The following EPHB2 variants were observed in gnomAD, a reference collection of about 807,000 sequenced individuals.
The protein encoded by EPHB2 is ephrin type-B receptor 2.
Under a neutral mutation model 96.4 loss-of-function variants are expected in EPHB2, and 18 were observed. The ratio of observed to expected loss-of-function variants is 0.19; its 90% CI spans 0.13 to 0.28. The LOEUF (loss-of-function observed/expected upper bound fraction) is 0.28, where lower values mean the gene tolerates loss of function less well. Among genes scored for constraint, EPHB2 ranks in the 10% least tolerant of loss-of-function variants. EPHB2 has a pLI of 1.00. For missense variants in EPHB2, 989 were observed against 1,355.4 expected (o/e 0.73, Z 4.25); for synonymous variants, 506 against 534.1 (o/e 0.95, Z 0.72).
intron 5 of EPHB2, among the ~76,000 whole-genome samples, chr1:22,867,994 G>A (rs112382169): frequency 0.014 from 2,097 of 152,332 alleles, 49 homozygotes; most frequent in African/African-American, 0.048. Context: ...GCCCCCAAAG[G>A]GGGTGGTGGA....
chr1:22,789,590 C>A (rs888952210), intron 3 of EPHB2, among the ~76,000 whole-genome samples: 1 of 152,184 alleles, frequency 6.6e-6, no homozygotes, highest in African/African-American at 2.4e-5. Flanking sequence ...GGTCATTTAG[C>A]CCTCTAACAA....
intron 1 of EPHB2, among the ~76,000 whole-genome samples, chr1:22,762,158 C>T (rs939347455): frequency 1.3e-5 from 2 of 152,178 alleles, no homozygotes; most frequent in African/African-American, 4.8e-5. Context: ...CTCCTGGTGG[C>T]GTATGGGAAG....
chr1:22,904,333 A>G (rs1639841005), intron 9 of EPHB2, among the ~76,000 whole-genome samples: 1 of 151,756 alleles, frequency 6.6e-6, no homozygotes, highest in Non-Finnish European at 1.5e-5. Flanking sequence ...CCAGAGGTCT[A>G]TACTCAAGGT....
Position 22,908,102 on chromosome 1 carries a change from G to A in EPHB2, c.2286G>A (p.Val762=). The A allele has an allele frequency of 1.2e-6, 2 of 1,614,250 alleles. No individual in the cohort carries two copies. Among genetic ancestry groups the A allele is most frequent in the Non-Finnish European group, 1.7e-6 (2 of 1,180,046 alleles). ...TCAACAGCAACCTGGTCTGCAAGGT[G>A]TCGGACTTTGGGCTCTCACGCTTTC... ...ILVNSNLVCK[V]SDFGLSRFLE... The change falls in exon 12 of 16, where the codon GTG becomes GTA. Residue 762 remains valine (V), a synonymous_variant. Transcript: ENST00000374630.
At position 22,906,147 on chromosome 1, in the gene EPHB2, G is replaced by A; in HGVS notation, c.1888+38G>A. On this transcript the variant is annotated intron_variant, in intron 10 of 15. Transcript: ENST00000374630. The surrounding 1 kb of genome is among the most constrained non-coding windows in gnomAD (Gnocchi z 4.8). ...TACTCTCACATGTACTATGACCTTA[G>A]CCATGGCTGGTGAGACCACCCCAAT... is the stretch of plus-strand genomic sequence containing the variant. The A allele has an allele frequency of 1.2e-6, 2 of 1,614,042 alleles. No individual in the cohort carries two copies. Among genetic ancestry groups the A allele is most frequent in the Non-Finnish European group, 1.7e-6 (2 of 1,180,014 alleles).
At chr1:22,896,351 C>T in intron 8 of EPHB2, 63 bp from the exon 9 acceptor site, 2 of 1,610,100 alleles carry the variant, frequency 1.2e-6, no homozygotes, top group Non-Finnish European at 1.7e-6. Flanking sequence ...CTATCACCTA[C>T]TGTGGCTCCC....
intron 3 of EPHB2, among the ~76,000 whole-genome samples, chr1:22,815,261 G>A (rs965078908): frequency 6.6e-6 from 1 of 152,170 alleles, no homozygotes; most frequent in Non-Finnish European, 1.5e-5. Flanking sequence ...GATGGAAGGT[G>A]GGGGGTGGTT....
intron 6 of EPHB2, among the ~76,000 whole-genome samples, chr1:22,887,601 C>G (rs1205041018): frequency 6.6e-6 from 1 of 152,242 alleles, no homozygotes; most frequent in Non-Finnish European, 1.5e-5. Flanking sequence ...CTGGAGGCCA[C>G]TGATGAATGG....
At chr1:22,749,308 C>G (rs1644026490) in intron 1 of EPHB2, among the ~76,000 whole-genome samples, 1 of 152,168 alleles carries the variant, frequency 6.6e-6, no homozygotes, top group Non-Finnish European at 1.5e-5. Context: ...GTGTGAGCCA[C>G]CACACCCAGC....
rs137941457 is a variant in EPHB2 at position 22,770,746 on chromosome 1, G to A, written c.62-10675G>A. Among the ~76,000 whole-genome samples the A allele has an allele frequency of 5.8e-4, 89 of 152,282 alleles. 2 individuals carry two copies. The East Asian group carries it at 0.016, about 28-fold the overall frequency. Reference sequence around the variant, plus strand: ...TCTCTGAAGGTTATTTCCCCCATCTGCAGGAAGGAAGGGATGAAGGGAGGT... The same window carrying A: ...TCTCTGAAGGTTATTTCCCCCATCTACAGGAAGGAAGGGATGAAGGGAGGT... On this transcript the variant is annotated intron_variant, in intron 1 of 15. Coordinates refer to ENST00000374630, the MANE Select transcript of EPHB2 (RefSeq NM_017449.5).
At chr1:22,803,054 G>T (rs903851194) in intron 3 of EPHB2, among the ~76,000 whole-genome samples, 16 of 152,140 alleles carry the variant, frequency 1.1e-4, no homozygotes, top group Non-Finnish European at 7.4e-5. Context: ...CCTTTCTAGA[G>T]GAAGGGCCAC....
intron 1 of EPHB2, among the ~76,000 whole-genome samples, chr1:22,741,838 A>T: frequency 6.6e-6 from 1 of 151,848 alleles, no homozygotes; most frequent in African/African-American, 2.4e-5. Flanking sequence ...GATGGGCTTT[A>T]TTTTTCTCCC....
At chr1:22,788,494 G>T (rs942963663) in intron 3 of EPHB2, among the ~76,000 whole-genome samples, 32 of 152,248 alleles carry the variant, frequency 2.1e-4, no homozygotes, top group African/African-American at 7.5e-4. Context: ...AGCCCCATAG[G>T]CACTGGCCCT....
rs1220890034 is a variant in EPHB2, at chr1:22,917,526, T to G, written c.*3956T>G. 6.6e-6 allele frequency: 1 copy of G among 152,194 alleles called. No individual in the cohort carries two copies. The highest frequency in any genetic ancestry group is 1.5e-5 in the Non-Finnish European group (1 of 68,046). The allele number at this position is 152,194 out of a possible 1,614,324, so 9.4% of individuals were successfully genotyped here. A position where few individuals can be genotyped will look rare whatever the true frequency, so the allele number is the denominator to read the frequency against. Reference sequence around the variant, plus strand: ...AGCAGCCTGCTCCTGTCACTAGGGATGTGAATCTGGGGAGACACTTCCCCT... The same window carrying G: ...AGCAGCCTGCTCCTGTCACTAGGGAGGTGAATCTGGGGAGACACTTCCCCT... On this transcript the variant is annotated 3_prime_UTR_variant, in exon 16 of 16. Transcript: ENST00000374630.
intron 3 of EPHB2, chr1:22,835,806 G>A (rs1645373122): frequency 6.6e-6 from 1 of 152,248 alleles, no homozygotes; most frequent in Non-Finnish European, 1.5e-5. Flanking sequence ...CCAGGCTAAT[G>A]AGGAGGTTGT....
At chr1:22,791,471 C>CTT (rs55650452) in intron 3 of EPHB2, among the ~76,000 whole-genome samples, 15 of 92,876 alleles carry the variant, frequency 1.6e-4, no homozygotes, top group East Asian at 7.4e-4. Flanking sequence ...TTCTTTCTTT[C>CTT]TTTTTTTTTT....
intron 3 of EPHB2, among the ~76,000 whole-genome samples, chr1:22,856,921 C>T (rs1217592667): frequency 2.0e-5 from 3 of 152,222 alleles, no homozygotes; most frequent in Non-Finnish European, 2.9e-5. Context: ...ACAGCCCCTC[C>T]CCTCAAGTCA....
chr1:22,882,025 T>A (rs1639062846), intron 5 of EPHB2, among the ~76,000 whole-genome samples: 1 of 152,192 alleles, frequency 6.6e-6, no homozygotes, highest in South Asian at 2.1e-4. Context: ...AATAACTGAT[T>A]GATTTTATTG....
At chr1:22,743,884 G>A (rs963263107) in intron 1 of EPHB2, among the ~76,000 whole-genome samples, 20 of 152,196 alleles carry the variant, frequency 1.3e-4, no homozygotes, top group African/African-American at 4.8e-4. Flanking sequence ...TCTGGACTGG[G>A]TCCCACAAGC....
Sources: gnomAD v4.1 joint callset for allele counts (sites outside exome capture counted in the v4.1 genomes callset) on GRCh38, gnomAD v4.1.1 for gene constraint, Gnocchi (gnomAD v3.1) non-coding constraint, MANE v1.5 for transcripts, NCBI Gene and HGNC (gene_info 2026-07-23, HGNC 2026-07-21) for gene names.